Variants in TBL1XR1 observed in about 807,000 individuals in gnomAD.
TBL1XR1 encodes F-box-like/WD repeat-containing protein TBL1XR1.
Under a neutral mutation model 66.9 loss-of-function variants are expected in TBL1XR1, and 5 were observed. That is an observed-to-expected ratio of 0.07 (90% CI 0.04 to 0.16). TBL1XR1 has a LOEUF of 0.16. Among genes scored for constraint, TBL1XR1 ranks in the 10% least tolerant of loss-of-function variants. The pLI, the probability that TBL1XR1 is intolerant of heterozygous loss-of-function variation, is 1.00. For synonymous variants in TBL1XR1, 210 were observed against 206.0 expected, an observed-to-expected ratio of 1.02 and a Z score of -0.17; for missense variants, 238 against 623.2, an observed-to-expected ratio of 0.38 and a Z score of 6.58.
intron 3 of TBL1XR1, among the ~76,000 whole-genome samples, chr3:177,056,734 T>C (rs1309967807): frequency 6.9e-6 from 1 of 145,524 alleles, no homozygotes; most frequent in South Asian, 2.3e-4. Flanking sequence ...CTGAAAGTCA[T>C]AGTCATCCTA....
At chr3:177,129,911 G>A (rs776855898) in intron 1 of TBL1XR1, among the ~76,000 whole-genome samples, 2 of 152,034 alleles carry the variant, frequency 1.3e-5, no homozygotes, top group African/African-American at 2.4e-5. Context: ...TTGGGAGGCC[G>A]AGGCAGGCAG....
chr3:177,117,681 T>G (rs564897685), intron 1 of TBL1XR1, among the ~76,000 whole-genome samples: 1 of 152,196 alleles, frequency 6.6e-6, no homozygotes, highest in Non-Finnish European at 1.5e-5. Context: ...TGATTCAGTC[T>G]TGACTTCAAA....
chr3:177,047,238 A>G, intron 9 of TBL1XR1, 62 bp downstream of exon 9: 1 of 1,389,934 alleles, frequency 7.2e-7, no homozygotes, highest in Non-Finnish European at 9.7e-7. Context: ...GCTAAGACAA[A>G]ATACTGCTTT....
At position 177,019,931 on chromosome 3, in the gene TBL1XR1, TTC is replaced by T. The variant is rs1474104966; in HGVS notation, c.*5565_*5566del. The T allele has an allele frequency of 6.6e-6, 1 of 152,146 alleles. No individual in the cohort carries two copies. The highest frequency in any genetic ancestry group is 6.6e-5 in the Admixed American group (1 of 15,262). The allele number at this position is 152,146 out of a possible 1,614,324, so 9.4% of individuals were successfully genotyped here. On this transcript the variant is annotated 3_prime_UTR_variant, in exon 16 of 16. Transcript: ENST00000457928. ...AACATAAAACTATGCTTGAATTTATTTCTGTTTAAGGAAATAAACAGGAAAAA... is the reference window on the plus strand; with the variant it reads ...AACATAAAACTATGCTTGAATTTATTTGTTTAAGGAAATAAACAGGAAAAA...
At chr3:177,087,512 A>G (rs1347939897) in intron 2 of TBL1XR1, among the ~76,000 whole-genome samples, 1 of 152,176 alleles carries the variant, frequency 6.6e-6, no homozygotes, top group Non-Finnish European at 1.5e-5. Context: ...GAGAGAAAAT[A>G]GGCATGGTGA....
At chr3:177,156,008 T>A (rs1478768487) in intron 1 of TBL1XR1, among the ~76,000 whole-genome samples, 2 of 150,438 alleles carry the variant, frequency 1.3e-5, no homozygotes, top group Non-Finnish European at 3.0e-5. Flanking sequence ...AAACTCCATC[T>A]CAAAATAAAA....
Position 177,167,443 on chromosome 3 carries a change from A to G in TBL1XR1, c.-122+29678T>C, listed in dbSNP as rs79270058. On this transcript the variant is annotated intron_variant, in intron 1 of 15. Coordinates refer to ENST00000457928, the MANE Select transcript of TBL1XR1 (RefSeq NM_024665.7). ...ACATTTGGTCGAACACGCAGAACGTACAACACCAAGAGTGAACCCTAATGT... is the reference window on the plus strand; with the variant it reads ...ACATTTGGTCGAACACGCAGAACGTGCAACACCAAGAGTGAACCCTAATGT... 9.6e-3 allele frequency among the ~76,000 whole-genome samples: 1,466 copies of G among 152,370 alleles called. 26 individuals are homozygous for G. Among genetic ancestry groups the G allele is most frequent in the African/African-American group, 0.033 (1,383 of 41,588 alleles).
intron 10 of TBL1XR1, chr3:177,041,165 T>G (rs1359529382): frequency 6.6e-6 from 1 of 152,282 alleles, no homozygotes. Flanking sequence ...TTCCTGCCCA[T>G]AAGCCTTTTT....
intron 10 of TBL1XR1, among the ~76,000 whole-genome samples, chr3:177,045,722 A>G (rs1174265167): frequency 6.6e-6 from 1 of 152,192 alleles, no homozygotes; most frequent in African/African-American, 2.4e-5. Context: ...GCCTTATCCC[A>G]TAACAAACAG....
At chr3:177,038,532 C>T in intron 10 of TBL1XR1, 98 bp from the exon 11 acceptor site, 14 of 1,187,610 alleles carry the variant, frequency 1.2e-5, no homozygotes, top group Non-Finnish European at 1.6e-5. Flanking sequence ...AATATACTAA[C>T]AGGCACTTAA....
intron 1 of TBL1XR1, among the ~76,000 whole-genome samples, chr3:177,159,421 G>A (rs1731902856): frequency 1.3e-5 from 2 of 151,988 alleles, no homozygotes. Context: ...AGAACTGTAT[G>A]ATTTATTTAA....
chr3:177,076,325 C>T lies in TBL1XR1; in HGVS notation c.-45-11303G>A, dbSNP rs145302365. Reference sequence around the variant, plus strand: ...GAGCTTGGCTTGTAGACACATCACTCTAGTCACTTTGCCATGTTCTCCCTG... The same window carrying T: ...GAGCTTGGCTTGTAGACACATCACTTTAGTCACTTTGCCATGTTCTCCCTG... On this transcript the variant is annotated intron_variant, in intron 2 of 15. Transcript: ENST00000457928. Among the ~76,000 whole-genome samples the T allele has an allele frequency of 3.1e-3, 477 of 152,344 alleles. 5 individuals are homozygous for T. The highest frequency in any genetic ancestry group is 0.011 in the African/African-American group (442 of 41,584).
At chr3:177,092,947 T>C (rs928897651) in intron 2 of TBL1XR1, among the ~76,000 whole-genome samples, 9 of 152,108 alleles carry the variant, frequency 5.9e-5, no homozygotes, top group Non-Finnish European at 8.8e-5. Flanking sequence ...ACATAGTACT[T>C]ACTGGAAGTC....
At chr3:177,129,178 TAA>T (rs1011311001) in intron 1 of TBL1XR1, among the ~76,000 whole-genome samples, 2 of 152,162 alleles carry the variant, frequency 1.3e-5, no homozygotes, top group Non-Finnish European at 2.9e-5. Context: ...ATACTTTTTT[TAA>T]AAATCCTTTA....
chr3:177,150,895 G>A (rs1434580083), intron 1 of TBL1XR1, among the ~76,000 whole-genome samples: 2 of 152,192 alleles, frequency 1.3e-5, no homozygotes, highest in African/African-American at 2.4e-5. Context: ...ACACAAACTG[G>A]AACATGTGAG....
At chr3:177,092,309 T>G (rs1339312938) in intron 2 of TBL1XR1, among the ~76,000 whole-genome samples, 1 of 152,120 alleles carries the variant, frequency 6.6e-6, no homozygotes, top group African/African-American at 2.4e-5. Context: ...ATTAGATTAA[T>G]CTTAATTCAT....
chr3:177,061,932 T>C (rs1027982264), intron 3 of TBL1XR1, among the ~76,000 whole-genome samples: 2 of 152,178 alleles, frequency 1.3e-5, no homozygotes, highest in Non-Finnish European at 2.9e-5. Flanking sequence ...TTGGAATAAG[T>C]GGCAAGTGCC....
At chr3:177,072,750 T>G (rs1201180900) in intron 2 of TBL1XR1, among the ~76,000 whole-genome samples, 1 of 152,212 alleles carries the variant, frequency 6.6e-6, no homozygotes, top group South Asian at 2.1e-4. Flanking sequence ...GACTGGGGAT[T>G]TGGCAGACAT....
intron 2 of TBL1XR1, among the ~76,000 whole-genome samples, chr3:177,092,404 A>G (rs1272176222): frequency 2.0e-5 from 3 of 152,232 alleles, no homozygotes; most frequent in Non-Finnish European, 4.4e-5. Context: ...CCAATTAATA[A>G]AATACAGAAT....
Sources: allele counts gnomAD v4.1 joint callset (sites outside exome capture counted in the v4.1 genomes callset), GRCh38; gene constraint gnomAD v4.1.1; transcripts MANE v1.5; gene names NCBI Gene and HGNC (gene_info 2026-07-23, HGNC 2026-07-21).